FN1: variants seen among roughly 807,000 people sequenced by gnomAD.
FN1 encodes fibronectin.
Under a neutral mutation model 297.3 loss-of-function variants are expected in FN1, and 106 were observed. The observed-to-expected ratio is 0.36, with a 90% CI of 0.30 to 0.42. FN1 has a LOEUF of 0.42. FN1 is among the 10% of genes least tolerant of loss of function. The pLI is 1.00. For missense variants in FN1, 2,690 were observed against 3,124.9 expected, an observed-to-expected ratio of 0.86 and a Z score of 3.32; for synonymous variants, 1,149 against 1,152.6, an observed-to-expected ratio of 1.00 and a Z score of 0.06.
intron 11 of FN1, 36 bp from the exon 12 acceptor site, chr2:215,419,421 A>G: frequency 6.3e-7 from 1 of 1,580,216 alleles, no homozygotes. Flanking sequence ...AACAGCCTTG[A>G]AGACTTATAA....
In FN1 at chr2:215,433,330, T is replaced by C. The variant is rs1468826221; in HGVS notation, c.409A>G (p.Ile137Val). ...GAGRGRISCT[I>V]ANRCHEGGQS... ...TACACAATCTCTTCCTTACTTGCGA[T>C]GGTACAGCTTATTCTCCCTCGCCCA... Residue 137 changes from isoleucine (I) to valine (V), a missense_variant, in exon 3 of 46, where the codon ATC becomes GTC. By Grantham distance (29) the Ile-to-Val change is conservative. Around this residue, in one of 3 missense-constraint regions of FN1, gnomAD observed 876 missense variants for 1,058.1 expected, o/e 0.83. Transcript: ENST00000354785. The C allele has an allele frequency of 6.2e-7, 1 of 1,614,182 alleles. No homozygotes were observed. The highest frequency in any genetic ancestry group is 2.2e-5 in the East Asian group (1 of 44,882).
intron 26 of FN1, among the ~76,000 whole-genome samples, chr2:215,391,374 ATTTG>A (rs1365146511): frequency 1.3e-5 from 2 of 152,310 alleles, no homozygotes; most frequent in East Asian, 3.9e-4. Context: ...TAGAAGCAGA[ATTTG>A]TTTGAAGTCA....
At chr2:215,409,799 C>G in intron 14 of FN1, 60 bp from the exon 15 acceptor site, 1 of 1,599,636 alleles carries the variant, frequency 6.3e-7, no homozygotes, top group Admixed American at 1.7e-5. Flanking sequence ...TTACCGTCCT[C>G]GTCGCCAACA....
chr2:215,407,390 T>TCCTC (rs2061907088), intron 17 of FN1, 69 bp from the exon 18 acceptor site: 1 of 1,268,778 alleles, frequency 7.9e-7, no homozygotes, highest in Non-Finnish European at 1.2e-6. Context: ...ACACCATAAA[T>TCCTC]CCTCCCTTTT....
intron 19 of FN1, among the ~76,000 whole-genome samples, chr2:215,405,323 T>C (rs567149265): frequency 6.6e-6 from 1 of 152,334 alleles, no homozygotes; most frequent in East Asian, 1.9e-4. Flanking sequence ...TCGAGTATAA[T>C]AATTGAGAGC....
At position 215,376,789 on chromosome 2, in the gene FN1, A is replaced by C. The variant is rs1025449585; in HGVS notation, c.5711-115T>G. 1.4e-5 allele frequency: 12 copies of C among 856,564 alleles called. No individual in the cohort carries two copies. The Admixed American group carries it at 2.3e-4, about 16-fold the overall frequency. 53.1% of individuals were successfully genotyped at this position (856,564 alleles called of 1,614,324 possible). Reference sequence around the variant, plus strand: ...AATTCATCCATTTCAAGAAATATATAACTAGTAATGTGTAGATTATCTCCT... The same window carrying C: ...AATTCATCCATTTCAAGAAATATATCACTAGTAATGTGTAGATTATCTCCT... On this transcript the variant is annotated intron_variant, in intron 35 of 45. Transcript: ENST00000354785.
At chr2:215,381,492 G>T (rs148335643) in intron 32 of FN1, 3 of 303,510 alleles carry the variant, frequency 9.9e-6, no homozygotes, top group Middle Eastern at 1.2e-3. Flanking sequence ...GTTTTTTTTT[G>T]AGATGGAGTC....
At chr2:215,403,962 T>C (rs1358269536) in intron 20 of FN1, among the ~76,000 whole-genome samples, 1 of 152,248 alleles carries the variant, frequency 6.6e-6, no homozygotes, top group African/African-American at 2.4e-5. Context: ...TGCTAATTTT[T>C]TCTTGCGTTA....
At chr2:215,380,673 C>T in intron 33 of FN1, 138 bp downstream of exon 33, 1 of 1,110,160 alleles carries the variant, frequency 9.0e-7, no homozygotes, top group Admixed American at 1.8e-5. Flanking sequence ...TCTTACCATT[C>T]CTCTTTAAAG....
At chr2:215,383,187 T>C in intron 31 of FN1, 141 bp downstream of exon 31, 1 of 808,164 alleles carries the variant, frequency 1.2e-6, no homozygotes, top group South Asian at 1.5e-5. Flanking sequence ...TTGTATTTTT[T>C]AGTACAGACG....
chr2:215,394,401 T>C, intron 24 of FN1, 127 bp downstream of exon 24: 1 of 863,606 alleles, frequency 1.2e-6, no homozygotes, highest in Non-Finnish European at 2.0e-6. Context: ...TTTTGGAAAG[T>C]GCAGCTGGGA....
intron 26 of FN1, among the ~76,000 whole-genome samples, chr2:215,389,672 C>T (rs893840501): frequency 1.3e-5 from 2 of 152,142 alleles, no homozygotes; most frequent in African/African-American, 4.8e-5. Flanking sequence ...CGCCTGTAAT[C>T]CCAGCTACTC....
chr2:215,414,786 T>C lies in FN1; in HGVS notation c.1941+51A>G, dbSNP rs2063204289. On this transcript the variant is annotated intron_variant, in intron 13 of 45. Coordinates refer to ENST00000354785, the MANE Select transcript of FN1 (RefSeq NM_212482.4). ...CTGGGAAAAAAAGAAACCATCAGAA[T>C]TGATAAGATTAGGAGACTCAGTATC... The C allele has an allele frequency of 7.4e-6, 12 of 1,611,536 alleles. No homozygotes were observed. In the East Asian group the frequency reaches 1.1e-4, roughly 15 times the overall value.
At chr2:215,413,264 G>A (rs111684555) in intron 13 of FN1, among the ~76,000 whole-genome samples, 73 of 152,124 alleles carry the variant, frequency 4.8e-4, no homozygotes, top group African/African-American at 1.6e-3. Context: ...GACTACAGGC[G>A]TGCGCCCCCA....
intron 35 of FN1, among the ~76,000 whole-genome samples, chr2:215,377,619 G>C (rs908922523): frequency 6.6e-6 from 1 of 152,186 alleles, no homozygotes; most frequent in African/African-American, 2.4e-5. Context: ...CTGCTGGCCT[G>C]TGGGCCAATT....
intron 44 of FN1, chr2:215,364,245 G>C (rs1043758298): frequency 1.2e-5 from 2 of 170,062 alleles, no homozygotes; most frequent in South Asian, 1.5e-4. Context: ...CCTATAACAA[G>C]CATCTGTTCT....
chr2:215,432,565 T>C (rs79134389), intron 3 of FN1, among the ~76,000 whole-genome samples: 20 of 152,174 alleles, frequency 1.3e-4, no homozygotes, highest in Admixed American at 5.2e-4. Flanking sequence ...ACATGAAATA[T>C]GGGGAAAGTT....
At chr2:215,424,003 C>T (rs545463462) in intron 8 of FN1, 143 bp downstream of exon 8, 21 of 810,084 alleles carry the variant, frequency 2.6e-5, no homozygotes, top group Admixed American at 5.6e-5. Context: ...GTTACGTGAG[C>T]GCTGCGATCT....
intron 4 of FN1, 35 bp from the exon 5 acceptor site, chr2:215,430,887 AG>A: frequency 6.2e-7 from 1 of 1,611,318 alleles, no homozygotes; most frequent in Middle Eastern, 1.7e-4. Flanking sequence ...CAGGAAAAAA[AG>A]GTTATTTTGA....
Sources: gnomAD v4.1 joint callset for allele counts (sites outside exome capture counted in the v4.1 genomes callset) on GRCh38, gnomAD v4.1.1 for gene constraint, gnomAD v4.1.1 regional missense constraint, MANE v1.5 for transcripts, NCBI Gene and HGNC (gene_info 2026-07-23, HGNC 2026-07-21) for gene names.